The following FSTL5 variants were observed in gnomAD, a reference collection of about 807,000 sequenced individuals.
The protein encoded by FSTL5 is follistatin like 5.
In FSTL5, 62 loss-of-function variants were observed where a neutral mutation model predicts 89.1. The observed-to-expected ratio is 0.70, with a 90% CI of 0.57 to 0.86. The LOEUF is 0.86. FSTL5 is among the 40% of genes least tolerant of loss of function. The pLI is 0.00. For missense variants in FSTL5, 1,057 were observed against 1,001.6 expected (o/e 1.06, Z -0.75); for synonymous variants, 383 against 346.2 (o/e 1.11, Z -1.18).
At position 162,089,656 on chromosome 4, in the gene FSTL5, A is replaced by AAAG. The variant is rs1553998469; in HGVS notation, c.126+21614_126+21615insCTT. Among the ~76,000 whole-genome samples the AAAG allele has an allele frequency of 2.6e-3, 350 of 136,410 alleles. 1 individual carries two copies. Among genetic ancestry groups the AAAG allele is most frequent in the South Asian group, 5.2e-3 (22 of 4,260 alleles). The allele number at this position is 136,410 out of a possible 152,430, so 89.5% of individuals were successfully genotyped here. A position where few individuals can be genotyped will look rare whatever the true frequency, so the allele number is the denominator to read the frequency against. ...TCAAAAAAAAAAAAAAAAAAGAAAA[A>AAAG]AAAGAAAGAAAGAAATTGGGTTAAT... On this transcript the variant is annotated intron_variant, in intron 2 of 15. Transcript: ENST00000306100.
intron 4 of FSTL5, among the ~76,000 whole-genome samples, chr4:161,827,990 C>A (rs990203481): frequency 2.0e-5 from 3 of 152,152 alleles, no homozygotes; most frequent in Non-Finnish European, 2.9e-5. Flanking sequence ...TGAGTTCAGT[C>A]GAAATTGTTA....
chr4:161,476,954 A>T (rs1454749997), intron 13 of FSTL5, among the ~76,000 whole-genome samples: 1 of 152,148 alleles, frequency 6.6e-6, no homozygotes, highest in African/African-American at 2.4e-5. Flanking sequence ...CCTGTTTTTG[A>T]CAGTTAATAT....
chr4:161,918,536 A>G (rs1034316968), intron 4 of FSTL5, among the ~76,000 whole-genome samples: 1 of 152,198 alleles, frequency 6.6e-6, no homozygotes, highest in African/African-American at 2.4e-5. Flanking sequence ...AAATCAATCT[A>G]TTGTTCATGC....
intron 4 of FSTL5, among the ~76,000 whole-genome samples, chr4:161,783,736 CTTTCTT>C (rs1741777474): frequency 3.7e-5 from 1 of 27,146 alleles, no homozygotes; most frequent in South Asian, 1.7e-3. Context: ...CTTTTCTTTT[CTTTCTT>C]TCTTTCTTTC....
At chr4:162,153,843 T>G (rs2110741044) in intron 1 of FSTL5, among the ~76,000 whole-genome samples, 1 of 147,986 alleles carries the variant, frequency 6.8e-6, no homozygotes, top group South Asian at 2.1e-4. Context: ...TTCACTCTTG[T>G]TGCCCAGGCT....
Position 161,594,053 on chromosome 4 carries a change from A to C in FSTL5, c.895-6478T>G, listed in dbSNP as rs537344129. Among the ~76,000 whole-genome samples, 6 of 152,308 alleles carry C rather than the reference A, an allele frequency of 3.9e-5. No individual in the cohort carries two copies. In the East Asian group the frequency reaches 1.2e-3, roughly 29 times the overall value. On this transcript the variant is annotated intron_variant, in intron 7 of 15. Coordinates refer to ENST00000306100, the MANE Select transcript of FSTL5 (RefSeq NM_020116.5). ...TTGTAGAAATTAATTGAGAAAGATT[A>C]GAGTTAAGAGTATTTTTAGAAAGAT...
At chr4:161,626,808 G>C (rs1433204251) in intron 7 of FSTL5, among the ~76,000 whole-genome samples, 1 of 152,134 alleles carries the variant, frequency 6.6e-6, no homozygotes, top group Non-Finnish European at 1.5e-5. Context: ...ACAGGAGTTT[G>C]GAAGAAGTTG....
chr4:161,558,753 A>C (rs1732482966), intron 8 of FSTL5, among the ~76,000 whole-genome samples: 1 of 151,886 alleles, frequency 6.6e-6, no homozygotes, highest in Admixed American at 6.6e-5. Context: ...TGCTTCCTAT[A>C]AGTTCATTTG....
At chr4:161,798,759 C>T (rs938044784) in intron 4 of FSTL5, among the ~76,000 whole-genome samples, 23 of 151,544 alleles carry the variant, frequency 1.5e-4, no homozygotes, top group African/African-American at 5.6e-4. Flanking sequence ...AAAATTAACT[C>T]TCTTAAAGAT....
chr4:161,405,017 G>C (rs534622516), intron 15 of FSTL5, among the ~76,000 whole-genome samples: 9 of 152,034 alleles, frequency 5.9e-5, no homozygotes, highest in Non-Finnish European at 8.8e-5. Flanking sequence ...GATCACCTGT[G>C]GTCAAGAGTT....
intron 6 of FSTL5, among the ~76,000 whole-genome samples, chr4:161,677,208 T>C (rs1014096461): frequency 2.0e-5 from 3 of 151,934 alleles, no homozygotes; most frequent in Non-Finnish European, 4.4e-5. Context: ...TGTTTGGTCA[T>C]TTATAGCATT....
intron 2 of FSTL5, among the ~76,000 whole-genome samples, chr4:162,102,224 G>A (rs1435447683): frequency 6.6e-6 from 1 of 151,964 alleles, no homozygotes; most frequent in Non-Finnish European, 1.5e-5. Flanking sequence ...ACAGTAGCCT[G>A]CTTAACTCAC....
chr4:161,870,194 A>G (rs919718852), intron 4 of FSTL5, among the ~76,000 whole-genome samples: 32 of 152,328 alleles, frequency 2.1e-4, no homozygotes, highest in Admixed American at 1.8e-3. Context: ...CACGTGGTGC[A>G]TAACACAGTA....
At chr4:161,776,688 AT>A (rs892925094) in intron 4 of FSTL5, among the ~76,000 whole-genome samples, 64 of 151,706 alleles carry the variant, frequency 4.2e-4, no homozygotes, top group Middle Eastern at 3.4e-3. Flanking sequence ...ATTTAAAAAA[AT>A]TTTTAGTTGT....
intron 1 of FSTL5, among the ~76,000 whole-genome samples, chr4:162,128,383 G>A (rs2111451315): frequency 6.6e-6 from 1 of 152,278 alleles, no homozygotes; most frequent in South Asian, 2.1e-4. Flanking sequence ...GGTTTGGGAT[G>A]AGGTGATTAG....
chr4:162,109,662 G>T (rs1731360199), intron 2 of FSTL5, among the ~76,000 whole-genome samples: 1 of 151,876 alleles, frequency 6.6e-6, no homozygotes. Flanking sequence ...GTTTATAAAG[G>T]TATATACTAA....
At chr4:162,072,036 A>G (rs1262718762) in intron 2 of FSTL5, among the ~76,000 whole-genome samples, 1 of 151,802 alleles carries the variant, frequency 6.6e-6, no homozygotes, top group Non-Finnish European at 1.5e-5. Flanking sequence ...TGTCATTGAC[A>G]TATAACGTCA....
intron 12 of FSTL5, among the ~76,000 whole-genome samples, chr4:161,490,744 TG>T (rs1729842377): frequency 6.6e-6 from 1 of 152,138 alleles, no homozygotes; most frequent in African/African-American, 2.4e-5. Context: ...TAATTATATG[TG>T]TTTAATTTTT....
rs377360812 is a variant in FSTL5, at chr4:161,565,458, C to T, written c.1015+21997G>A. On this transcript the variant is annotated intron_variant, in intron 8 of 15. Coordinates refer to ENST00000306100, the MANE Select transcript of FSTL5 (RefSeq NM_020116.5). Reference sequence around the variant, plus strand: ...ATGCTAGTTGCATTAACACATTTTTCTCTCTGATCCTCATATATAATTATT... The same window carrying T: ...ATGCTAGTTGCATTAACACATTTTTTTCTCTGATCCTCATATATAATTATT... Among the ~76,000 whole-genome samples, 49 of 151,772 alleles carry T rather than the reference C, an allele frequency of 3.2e-4. No homozygotes were observed. In the East Asian group the frequency reaches 8.0e-3, roughly 25 times the overall value.
Sources: gnomAD v4.1 joint callset for allele counts (sites outside exome capture counted in the v4.1 genomes callset) on GRCh38, gnomAD v4.1.1 for gene constraint, MANE v1.5 for transcripts, NCBI Gene and HGNC (gene_info 2026-07-23, HGNC 2026-07-21) for gene names.